The following ADGB variants were observed in gnomAD, a reference collection of about 807,000 sequenced individuals.
ADGB encodes calpain-7-like protein.
A neutral mutation model predicts 210.5 loss-of-function variants in ADGB; 172 were observed. That is an observed-to-expected ratio of 0.82 (90% CI 0.72 to 0.93). The LOEUF is 0.93. Among genes scored for constraint, ADGB ranks in the 40% least tolerant of loss-of-function variants. The pLI, the probability that ADGB is intolerant of heterozygous loss-of-function variation, is 0.00. For missense variants in ADGB, 2,025 were observed against 1,964.8 expected, an observed-to-expected ratio of 1.03 and a Z score of -0.58; for synonymous variants, 658 against 662.7, an observed-to-expected ratio of 0.99 and a Z score of 0.11.
At chr6:146,678,388 G>A (rs553475989) in intron 9 of ADGB, among the ~76,000 whole-genome samples, 5 of 152,122 alleles carry the variant, frequency 3.3e-5, no homozygotes, top group African/African-American at 1.2e-4. Context: ...CATTACACTT[G>A]GCTAATTCTT....
At chr6:146,665,087 T>C (rs537611711) in intron 6 of ADGB, among the ~76,000 whole-genome samples, 43 of 152,188 alleles carry the variant, frequency 2.8e-4, no homozygotes, top group African/African-American at 1.0e-3. Flanking sequence ...AGGCTGGGAT[T>C]TTATACACGT....
Position 146,644,810 on chromosome 6 carries a change from C to T in ADGB, c.275C>T (p.Pro92Leu). Residue 92 changes from proline to leucine, a missense_variant, in exon 3 of 36, where the codon CCA becomes CTA. Coordinates refer to ENST00000397944, the MANE Select transcript of ADGB (RefSeq NM_024694.4). ...GACCCTGAAGGAAAGATTGAGTTACCACCATCCTTGAAAATTTATTCCTGG... is the reference window on the plus strand; with the variant it reads ...GACCCTGAAGGAAAGATTGAGTTACTACCATCCTTGAAAATTTATTCCTGG... ...FEDPEGKIEL[P>L]PSLKIYSWKR... The T allele has an allele frequency of 6.7e-7, 1 of 1,489,338 alleles. No homozygotes were observed. Among genetic ancestry groups the T allele is most frequent in the Non-Finnish European group, 8.9e-7 (1 of 1,118,988 alleles). 92.3% of individuals were successfully genotyped at this position (1,489,338 alleles called of 1,614,324 possible).
intron 26 of ADGB, among the ~76,000 whole-genome samples, chr6:146,747,821 C>T (rs1295429302): frequency 6.7e-6 from 1 of 149,728 alleles, no homozygotes; most frequent in African/African-American, 2.5e-5. Flanking sequence ...CTCTGTCACC[C>T]AGGCTGTATG....
intron 1 of ADGB, 133 bp downstream of exon 1, chr6:146,599,247 T>A: frequency 1.3e-6 from 1 of 796,216 alleles, no homozygotes; most frequent in Non-Finnish European, 2.1e-6. Flanking sequence ...TTGTCTTCTC[T>A]GGTAAACCAG....
intron 27 of ADGB, among the ~76,000 whole-genome samples, chr6:146,756,252 G>T (rs1277621845): frequency 2.6e-5 from 4 of 152,114 alleles, no homozygotes; most frequent in Non-Finnish European, 5.9e-5. Context: ...TTGACTGGAG[G>T]CACTCAGTCT....
intron 14 of ADGB, among the ~76,000 whole-genome samples, chr6:146,716,157 A>C (rs1776730031): frequency 6.6e-6 from 1 of 152,000 alleles, no homozygotes; most frequent in Non-Finnish European, 1.5e-5. Flanking sequence ...TTACTGAAAC[A>C]CATTTGTTGC....
At chr6:146,709,811 G>A (rs1776634102) in intron 13 of ADGB, among the ~76,000 whole-genome samples, 2 of 152,172 alleles carry the variant, frequency 1.3e-5, no homozygotes, top group African/African-American at 4.8e-5. Flanking sequence ...AGTGATGTGT[G>A]TGATGCAAAA....
intron 17 of ADGB, among the ~76,000 whole-genome samples, chr6:146,721,952 A>T (rs1776823860): frequency 6.6e-6 from 1 of 151,906 alleles, no homozygotes; most frequent in South Asian, 2.1e-4. Context: ...ACCTCCTCTG[A>T]TGCTTTTACC....
intron 27 of ADGB, among the ~76,000 whole-genome samples, chr6:146,753,726 T>C (rs1777360148): frequency 6.6e-6 from 1 of 151,932 alleles, no homozygotes; most frequent in Non-Finnish European, 1.5e-5. Context: ...TAATTTTGAA[T>C]CACTCTTGCA....
At chr6:146,615,706 G>A (rs1409491326) in intron 1 of ADGB, among the ~76,000 whole-genome samples, 1 of 152,132 alleles carries the variant, frequency 6.6e-6, no homozygotes, top group East Asian at 1.9e-4. Flanking sequence ...TTCTGTGCGT[G>A]ACTTGTTTCA....
intron 1 of ADGB, among the ~76,000 whole-genome samples, chr6:146,610,631 G>C (rs913262210): frequency 7.9e-5 from 12 of 152,140 alleles, no homozygotes; most frequent in African/African-American, 2.9e-4. Flanking sequence ...CAGCACTCCT[G>C]AGCTGTATGC....
intron 25 of ADGB, among the ~76,000 whole-genome samples, chr6:146,743,470 C>T (rs1486600717): frequency 6.6e-6 from 1 of 152,198 alleles, no homozygotes; most frequent in Non-Finnish European, 1.5e-5. Flanking sequence ...TCGGATAGTT[C>T]TAAGTGATAC....
At chr6:146,725,874 C>T in intron 18 of ADGB, 1 of 420,242 alleles carries the variant, frequency 2.4e-6, no homozygotes, top group Non-Finnish European at 4.3e-6. Context: ...TATTTTTGTC[C>T]TACATAATAA....
chr6:146,802,684 A>G, intron 35 of ADGB: 1 of 1,008,700 alleles, frequency 9.9e-7, no homozygotes, highest in Non-Finnish European at 1.4e-6. Flanking sequence ...AAAAGAAAAA[A>G]TAGTTTTGAT....
intron 1 of ADGB, among the ~76,000 whole-genome samples, chr6:146,619,402 C>G (rs1780857641): frequency 6.6e-6 from 1 of 151,946 alleles, no homozygotes; most frequent in African/African-American, 2.4e-5. Flanking sequence ...TTATTACTGC[C>G]ATTTTGATAC....
intron 9 of ADGB, among the ~76,000 whole-genome samples, chr6:146,684,900 T>TGGACC (rs1776201444): frequency 6.6e-6 from 1 of 152,094 alleles, no homozygotes; most frequent in Non-Finnish European, 1.5e-5. Context: ...TTTTGAAATG[T>TGGACC]AAAAGTATGT....
At chr6:146,724,771 C>T (rs1441608710) in intron 18 of ADGB, 1 of 152,090 alleles carries the variant, frequency 6.6e-6, no homozygotes, top group Non-Finnish European at 1.5e-5. Context: ...CCCTACCAAT[C>T]TAGATTTTCT....
At chr6:146,700,855 A>G (rs1188732591) in intron 12 of ADGB, 86 bp from the exon 13 acceptor site, 2 of 1,428,132 alleles carry the variant, frequency 1.4e-6, no homozygotes, top group Non-Finnish European at 9.4e-7. Context: ...AGAACTTTCT[A>G]TTGTTGACAA....
chr6:146,810,166 T>C (rs1384368372), intron 35 of ADGB, among the ~76,000 whole-genome samples: 2 of 152,168 alleles, frequency 1.3e-5, no homozygotes, highest in Non-Finnish European at 2.9e-5. Flanking sequence ...TAAACACCTA[T>C]CCAAAGACGA....
Sources: allele counts gnomAD v4.1 joint callset (sites outside exome capture counted in the v4.1 genomes callset), GRCh38; gene constraint gnomAD v4.1.1; transcripts MANE v1.5; gene names NCBI Gene and HGNC (gene_info 2026-07-23, HGNC 2026-07-21).